Variants in VHL observed in about 807,000 individuals in gnomAD.
VHL encodes the protein von Hippel-Lindau disease tumor suppressor.
A neutral mutation model predicts 19.2 loss-of-function variants in VHL; 10 were observed. The observed-to-expected ratio is 0.52, with a 90% CI of 0.32 to 0.89. VHL has a LOEUF of 0.89. Ranked by LOEUF, VHL falls within the 40% of genes least tolerant of loss-of-function variation. The pLI is 0.03. For missense variants in VHL, 328 were observed against 292.7 expected (o/e 1.12, Z -0.88); for synonymous variants, 167 against 129.5 (o/e 1.29, Z -1.97).
intron 1 of VHL, 70 bp downstream of exon 1, chr3:10,142,257 G>A: frequency 6.5e-7 from 1 of 1,533,112 alleles, no homozygotes; most frequent in Non-Finnish European, 8.7e-7. Flanking sequence ...CTACCGCCCC[G>A]GGGTCCATTT....
intron 1 of VHL, among the ~76,000 whole-genome samples, chr3:10,143,594 C>T (rs1344909501): frequency 6.6e-6 from 1 of 152,062 alleles, no homozygotes; most frequent in African/African-American, 2.4e-5. Flanking sequence ...ATTACAGGCA[C>T]GCACTACCAT....
chr3:10,153,059 G>A lies in VHL; in HGVS notation c.*3094G>A, dbSNP rs1260835641. Among the ~76,000 whole-genome samples the A allele has an allele frequency of 3.9e-5, 6 of 151,960 alleles. No individual in the cohort carries two copies. The highest frequency in any genetic ancestry group is 9.7e-5 in the African/African-American group (4 of 41,410). ...TGGGAGGCCTAGGCGGGTGGATCACGAGGTCAGGAAATCGAGACCATCCTG... is the reference window on the plus strand; with the variant it reads ...TGGGAGGCCTAGGCGGGTGGATCACAAGGTCAGGAAATCGAGACCATCCTG... On this transcript the variant is annotated 3_prime_UTR_variant, in exon 3 of 3. Coordinates refer to ENST00000256474, the MANE Select transcript of VHL (RefSeq NM_000551.4).
Position 10,142,887 on chromosome 3 carries a change from C to G in VHL, c.340+700C>G, listed in dbSNP as rs778132298. ...AGGGTCATGTTGGCGCCGGAAGAGCCGACCGTGTGTGGCGTGGGAAATTGA... is the reference window on the plus strand; with the variant it reads ...AGGGTCATGTTGGCGCCGGAAGAGCGGACCGTGTGTGGCGTGGGAAATTGA... On this transcript the variant is annotated intron_variant, in intron 1 of 2. Transcript: ENST00000256474. 1 of 152,334 alleles carries G rather than the reference C, an allele frequency of 6.6e-6. No homozygotes were observed. The highest frequency in any genetic ancestry group is 1.5e-5 in the Non-Finnish European group (1 of 68,212). 9.4% of individuals were successfully genotyped at this position (152,334 alleles called of 1,614,324 possible).
chr3:10,148,755 A>G (rs1696329110), intron 2 of VHL, among the ~76,000 whole-genome samples: 1 of 146,760 alleles, frequency 6.8e-6, no homozygotes, highest in African/African-American at 2.6e-5. Flanking sequence ...ATCTTGGCTC[A>G]CTGCAACCTC....
rs878854126 is a variant in VHL, at chr3:10,149,830, A to C, written c.507A>C (p.Leu169=). ...GATGCCTCCAGGTTGTCCGGAGCCT[A>C]GTCAAGCCTGAGAATTACAGGAGAC... is the stretch of plus-strand genomic sequence containing the variant. ...KERCLQVVRS[L]VKPENYRRLD... Residue 169 remains leucine, a synonymous_variant, in exon 3 of 3, where the codon CTA becomes CTC. Transcript: ENST00000256474. 4 of 1,614,072 alleles carry C rather than the reference A, an allele frequency of 2.5e-6. No homozygotes were observed. The highest frequency in any genetic ancestry group is 2.2e-5 in the East Asian group (1 of 44,890).
At chr3:10,147,495 G>C (rs1465419714) in intron 2 of VHL, among the ~76,000 whole-genome samples, 2 of 151,842 alleles carry the variant, frequency 1.3e-5, no homozygotes, top group African/African-American at 4.8e-5. Flanking sequence ...CTCCTGGGTA[G>C]CTGGGGTTAT....
Position 10,141,810 on chromosome 3 carries a change from C to G in VHL, c.-38C>G. ...CGCCCCGCGTCCGACCCGCGGATCC[C>G]GCGGCGTCCGGCCCGGGTGGTCTGG... On this transcript the variant is annotated 5_prime_UTR_variant, in exon 1 of 3. Coordinates refer to ENST00000256474, the MANE Select transcript of VHL (RefSeq NM_000551.4). 6.5e-7 allele frequency: 1 copy of G among 1,536,384 alleles called. No homozygotes were observed. Among genetic ancestry groups the G allele is most frequent in the Non-Finnish European group, 8.8e-7 (1 of 1,140,642 alleles).
At chr3:10,145,974 G>C (rs1358317547) in intron 1 of VHL, among the ~76,000 whole-genome samples, 1 of 144,090 alleles carries the variant, frequency 6.9e-6, no homozygotes, top group Non-Finnish European at 1.5e-5. Flanking sequence ...CGCGCTCTTT[G>C]CTTACTGTCT....
At chr3:10,144,488 T>A (rs1696205359) in intron 1 of VHL, among the ~76,000 whole-genome samples, 1 of 120,586 alleles carries the variant, frequency 8.3e-6, no homozygotes, top group Non-Finnish European at 1.6e-5. Context: ...CCTGTCTCTC[T>A]ATCTTGTCTT....
intron 1 of VHL, 98 bp from the exon 2 acceptor site, chr3:10,146,416 C>T (rs762210241): frequency 1.2e-4 from 182 of 1,525,718 alleles, no homozygotes; most frequent in Middle Eastern, 1.8e-4. Flanking sequence ...CCTCATGATC[C>T]GCCTGCCTCG....
rs1379181592 is a variant in VHL at position 10,153,319 on chromosome 3, T to G, written c.*3354T>G. Among the ~76,000 whole-genome samples the G allele has an allele frequency of 6.7e-6, 1 of 150,074 alleles. No homozygotes were observed. Among genetic ancestry groups the G allele is most frequent in the Admixed American group, 6.6e-5 (1 of 15,042 alleles). ...AACAAAAATTATCCAGGTGTGGCGGTGGGCGCCTGTGAGGCAGGCGAATCT... is the reference window on the plus strand; with the variant it reads ...AACAAAAATTATCCAGGTGTGGCGGGGGGCGCCTGTGAGGCAGGCGAATCT... On this transcript the variant is annotated 3_prime_UTR_variant, in exon 3 of 3. Transcript: ENST00000256474.
intron 1 of VHL, among the ~76,000 whole-genome samples, chr3:10,145,705 C>A (rs374883173): frequency 2.1e-3 from 277 of 133,652 alleles, no homozygotes; most frequent in Non-Finnish European, 2.3e-3. Context: ...GACTGCATCT[C>A]AAAAAAAAAA....
rs1386184754 is a variant in VHL at position 10,142,108 on chromosome 3, A to G, written c.261A>G (p.Val87=). Residue 87 remains valine, a synonymous_variant, in exon 1 of 3, where the codon GTA becomes GTG. Coordinates refer to ENST00000256474, the MANE Select transcript of VHL (RefSeq NM_000551.4). ...CNRSPRVVLP[V]WLNFDGEPQP... is the part of the protein sequence containing the mutation. ...GCAGTCCGCGCGTCGTGCTGCCCGT[A>G]TGGCTCAACTTCGACGGCGAGCCGC... 5 of 1,602,980 alleles carry G rather than the reference A, an allele frequency of 3.1e-6. No individual in the cohort carries two copies. Among genetic ancestry groups the G allele is most frequent in the Admixed American group, 3.3e-5 (2 of 59,960 alleles).
chr3:10,142,258 G>T (rs898404643), intron 1 of VHL, 71 bp downstream of exon 1: 1 of 1,532,694 alleles, frequency 6.5e-7, no homozygotes, highest in Non-Finnish European at 8.7e-7. Flanking sequence ...TACCGCCCCG[G>T]GGTCCATTTT....
At chr3:10,143,271 C>G (rs1401494514) in intron 1 of VHL, among the ~76,000 whole-genome samples, 1 of 152,128 alleles carries the variant, frequency 6.6e-6, no homozygotes, top group Non-Finnish European at 1.5e-5. Context: ...GCGGGGATTA[C>G]AGGCGTGCGC....
In VHL at chr3:10,150,349, CT is replaced by C. The variant is rs886057707; in HGVS notation, c.*385del. ...TTAATGGATGTATAATACATCCATT[CT>C]ACATCCGTAGCGGTTGGTGACTTGT... On this transcript the variant is annotated 3_prime_UTR_variant, in exon 3 of 3. Transcript: ENST00000256474. 7.9e-5 allele frequency: 98 copies of C among 1,235,046 alleles called. No individual in the cohort carries two copies. In the Middle Eastern group the frequency reaches 1.0e-3, roughly 13 times the overall value. 76.5% of individuals were successfully genotyped at this position (1,235,046 alleles called of 1,614,324 possible). A position where few individuals can be genotyped will look rare whatever the true frequency, so the allele number is the denominator to read the frequency against.
intron 2 of VHL, among the ~76,000 whole-genome samples, chr3:10,147,373 T>TTTA (rs1553620090): frequency 6.3e-4 from 92 of 147,012 alleles, no homozygotes; most frequent in South Asian, 1.1e-3. Context: ...TTTTTTTTTT[T>TTTA]ATTTTTATTT....
At position 10,152,576 on chromosome 3, in the gene VHL, T is replaced by C. The variant is rs1696440623; in HGVS notation, c.*2611T>C. ...GGTGCGATCTCTGCTCACTACAAGC[T>C]CTGCCTCCCGAGTTCAAGTGATTCT... On this transcript the variant is annotated 3_prime_UTR_variant, in exon 3 of 3. Transcript: ENST00000256474. Among the ~76,000 whole-genome samples the C allele has an allele frequency of 7.4e-6, 1 of 134,950 alleles. No individual in the cohort carries two copies. Among genetic ancestry groups the C allele is most frequent in the Non-Finnish European group, 1.5e-5 (1 of 65,022 alleles). The allele number at this position is 134,950 out of a possible 152,430, so 88.5% of individuals were successfully genotyped here.
chr3:10,146,428 C>A (rs1696257676), intron 1 of VHL, 86 bp from the exon 2 acceptor site: 1 of 1,576,464 alleles, frequency 6.3e-7, no homozygotes, highest in Non-Finnish European at 8.7e-7. Context: ...CCTGCCTCGG[C>A]CTCCCAAAGT....
Sources: allele counts gnomAD v4.1 joint callset (sites outside exome capture counted in the v4.1 genomes callset), GRCh38; gene constraint gnomAD v4.1.1; transcripts MANE v1.5; gene names NCBI Gene and HGNC (gene_info 2026-07-23, HGNC 2026-07-21).